Variants in BCL9 observed in about 807,000 individuals in gnomAD.
The protein encoded by BCL9 is B-cell CLL/lymphoma 9 protein.
Under a neutral mutation model 88.5 loss-of-function variants are expected in BCL9, and 25 were observed. That is an observed-to-expected ratio of 0.28 (90% CI 0.21 to 0.39). The LOEUF is 0.39. Among genes scored for constraint, BCL9 ranks in the 10% least tolerant of loss-of-function variants. BCL9 has a pLI of 1.00. For missense variants in BCL9, 1,817 were observed against 1,877.8 expected (o/e 0.97, Z 0.60); for synonymous variants, 711 against 673.3 (o/e 1.06, Z -0.87).
Position 147,618,833 on chromosome 1 carries a change from C to T in BCL9, c.678C>T (p.Ala226=), listed in dbSNP as rs1313245233. ...STAPLNTQIS[A]LRNDPKPLPQ... ...GTCTTCAGAACACACAGATATCTGC[C>T]CTTCGGAATGATCCGAAACCTCTCC... The change falls in exon 8 of 10, where the codon GCC becomes GCT. Residue 226 remains alanine, a synonymous_variant. Transcript: ENST00000234739. 1 of 1,557,260 alleles carries T rather than the reference C, an allele frequency of 6.4e-7. No homozygotes were observed. The highest frequency in any genetic ancestry group is 1.4e-5 in the African/African-American group (1 of 73,020).
At chr1:147,573,527 T>A (rs1490820729) in intron 1 of BCL9, among the ~76,000 whole-genome samples, 2 of 151,854 alleles carry the variant, frequency 1.3e-5, no homozygotes, top group Non-Finnish European at 2.9e-5. Flanking sequence ...CAAAAGGGAG[T>A]GGAAGCAACT....
chr1:147,563,853 C>T (rs1655488335), intron 1 of BCL9, among the ~76,000 whole-genome samples: 1 of 152,242 alleles, frequency 6.6e-6, no homozygotes, highest in South Asian at 2.1e-4. Context: ...CACACATTAT[C>T]TCATTTAATC....
At chr1:147,599,591 T>C (rs1447959055) in intron 1 of BCL9, among the ~76,000 whole-genome samples, 1 of 151,382 alleles carries the variant, frequency 6.6e-6, no homozygotes, top group Non-Finnish European at 1.5e-5. Flanking sequence ...GACCCTCCCG[T>C]GCCGAACCTC....
intron 1 of BCL9, among the ~76,000 whole-genome samples, chr1:147,583,463 A>G (rs1196170110): frequency 6.6e-6 from 1 of 151,604 alleles, no homozygotes; most frequent in African/African-American, 2.4e-5. Context: ...TTTTTAGTAG[A>G]GACGGGGTTT....
At chr1:147,616,772 CAAA>C (rs59428662) in intron 7 of BCL9, among the ~76,000 whole-genome samples, 1 of 147,108 alleles carries the variant, frequency 6.8e-6, no homozygotes, top group Non-Finnish European at 1.5e-5. Context: ...GACTCTGTCT[CAAA>C]AAAAAAAAGC....
intron 1 of BCL9, among the ~76,000 whole-genome samples, chr1:147,587,971 A>G (rs1124506): frequency 0.33 from 50,689 of 152,156 alleles, 13,800 homozygotes; most frequent in African/African-American, 0.74. Flanking sequence ...ATAATGATCT[A>G]AATATTAAAA....
chr1:147,613,619 T>C (rs2101611120), intron 5 of BCL9, among the ~76,000 whole-genome samples: 1 of 152,294 alleles, frequency 6.6e-6, no homozygotes, highest in Middle Eastern at 3.4e-3. Flanking sequence ...GCTTGGGTCT[T>C]GTGTTCTCTA....
At chr1:147,599,984 C>G (rs1441871519) in intron 1 of BCL9, among the ~76,000 whole-genome samples, 1 of 151,148 alleles carries the variant, frequency 6.6e-6, no homozygotes, top group Non-Finnish European at 1.5e-5. Context: ...CGGGGCGGTC[C>G]CGGTTCCCCG....
At chr1:147,553,572 G>C (rs1443366191) in intron 1 of BCL9, among the ~76,000 whole-genome samples, 1 of 152,160 alleles carries the variant, frequency 6.6e-6, no homozygotes, top group Non-Finnish European at 1.5e-5. Context: ...CCTTACAAGT[G>C]GTTGTGCTCA....
At chr1:147,610,230 C>T (rs1483364929) in intron 3 of BCL9, among the ~76,000 whole-genome samples, 3 of 150,026 alleles carry the variant, frequency 2.0e-5, no homozygotes, top group Non-Finnish European at 4.4e-5. Flanking sequence ...TAAATATGAT[C>T]AAGACCAAAA....
At chr1:147,604,253 C>G (rs1304625208) in intron 1 of BCL9, among the ~76,000 whole-genome samples, 1 of 152,196 alleles carries the variant, frequency 6.6e-6, no homozygotes, top group Non-Finnish European at 1.5e-5. Flanking sequence ...TCCCCCAGGT[C>G]TATCCACAGA....
intron 1 of BCL9, among the ~76,000 whole-genome samples, chr1:147,564,007 C>G (rs1165174985): frequency 6.6e-6 from 1 of 152,310 alleles, no homozygotes; most frequent in African/African-American, 2.4e-5. Context: ...GGCTTGTTAA[C>G]TACTTTGCAG....
At chr1:147,611,374 AG>A (rs1344185241) in intron 3 of BCL9, among the ~76,000 whole-genome samples, 1 of 152,132 alleles carries the variant, frequency 6.6e-6, no homozygotes, top group Non-Finnish European at 1.5e-5. Context: ...CATGCTTGGC[AG>A]GAAGTCCTAG....
At chr1:147,559,332 C>T (rs1301247183) in intron 1 of BCL9, among the ~76,000 whole-genome samples, 2 of 152,116 alleles carry the variant, frequency 1.3e-5, no homozygotes, top group Non-Finnish European at 2.9e-5. Flanking sequence ...GAAATCTTTT[C>T]ATTGTTCTGT....
intron 8 of BCL9, among the ~76,000 whole-genome samples, chr1:147,621,680 C>A (rs931825895): frequency 4.6e-5 from 7 of 152,116 alleles, no homozygotes; most frequent in African/African-American, 1.7e-4. Flanking sequence ...GTGCTGTCTC[C>A]ACCTGAGAAA....
At chr1:147,603,835 T>A (rs1429052521) in intron 1 of BCL9, among the ~76,000 whole-genome samples, 1 of 152,082 alleles carries the variant, frequency 6.6e-6, no homozygotes, top group East Asian at 1.9e-4. Context: ...CCTTATAATG[T>A]CCCATGTGCT....
Position 147,625,626 on chromosome 1 carries a change from CTT to C in BCL9, c.*668_*669del, listed in dbSNP as rs1170426092. The stretch of plus-strand genomic sequence containing the variant: ...ATTTTTCTTTTGAAAAATAATGACT[CTT>C]AGGACATTTGTTTTTCAGTTCAAGT... On this transcript the variant is annotated 3_prime_UTR_variant, in exon 10 of 10. Transcript: ENST00000234739. 4.4e-6 allele frequency: 1 copy of C among 229,246 alleles called. No individual in the cohort carries two copies. The highest frequency in any genetic ancestry group is 8.7e-6 in the Non-Finnish European group (1 of 115,530). The allele number at this position is 229,246 out of a possible 1,614,324, so 14.2% of individuals were successfully genotyped here.
At position 147,577,181 on chromosome 1, in the gene BCL9, C is replaced by T. The variant is rs187677010; in HGVS notation, c.-477-27596C>T. ...AAGTAGTTGCAGCATGAGTATCTTA[C>T]GATACCCAAGGAGTACACTAGCCAA... On this transcript the variant is annotated intron_variant, in intron 1 of 9. Transcript: ENST00000234739. Among the ~76,000 whole-genome samples, 27 of 152,242 alleles carry T rather than the reference C, an allele frequency of 1.8e-4. No individual in the cohort carries two copies. The East Asian group carries it at 2.3e-3, about 13-fold the overall frequency.
intron 1 of BCL9, among the ~76,000 whole-genome samples, chr1:147,544,468 C>T (rs1454743778): frequency 6.6e-6 from 1 of 152,162 alleles, no homozygotes; most frequent in African/African-American, 2.4e-5. Flanking sequence ...ATAATATCTG[C>T]TAATCCCCTA....
Sources: gnomAD v4.1 joint callset for allele counts (sites outside exome capture counted in the v4.1 genomes callset) on GRCh38, gnomAD v4.1.1 for gene constraint, MANE v1.5 for transcripts, NCBI Gene and HGNC (gene_info 2026-07-23, HGNC 2026-07-21) for gene names.